Variants in JAM3 observed in about 807,000 individuals in gnomAD.
The protein encoded by JAM3 is junctional adhesion molecule 3.
In JAM3, 31 loss-of-function variants were observed where a neutral mutation model predicts 39.4. The observed-to-expected ratio is 0.79, with a 90% confidence interval of 0.59 to 1.06. The LOEUF (loss-of-function observed/expected upper bound fraction) is 1.06, where lower values mean the gene tolerates loss of function less well. JAM3 is among the 50% of genes least tolerant of loss of function. The probability of loss-of-function intolerance (pLI) is 0.00; values close to 1 mark genes in which losing one functional copy is unlikely to be tolerated. For missense variants in JAM3, 455 were observed against 391.4 expected (o/e 1.16, Z -1.37); for synonymous variants, 182 against 148.7 (o/e 1.22, Z -1.63).
intron 1 of JAM3, among the ~76,000 whole-genome samples, chr11:134,077,533 T>C (rs913838948): frequency 6.6e-6 from 1 of 151,794 alleles, no homozygotes; most frequent in Non-Finnish European, 1.5e-5. Flanking sequence ...CTAGCTAATT[T>C]TTGTATTTTT....
At chr11:134,134,180 C>CTG (rs1942818596) in intron 1 of JAM3, among the ~76,000 whole-genome samples, 1 of 151,882 alleles carries the variant, frequency 6.6e-6, no homozygotes, top group Admixed American at 6.6e-5. Context: ...ACATCCAAAA[C>CTG]TGAAGGCACA....
intron 1 of JAM3, among the ~76,000 whole-genome samples, chr11:134,131,490 G>A (rs1339704393): frequency 2.0e-5 from 3 of 151,970 alleles, no homozygotes; most frequent in Non-Finnish European, 2.9e-5. Flanking sequence ...ATAATCAAAT[G>A]CCAGATTTTC....
Position 134,111,133 on chromosome 11 carries a change from C to CTTTTTTTTTTTTTTT in JAM3, c.77-28704_77-28690dup, listed in dbSNP as rs71038561. Reference sequence around the variant, plus strand: ...TGTACCATACCCAACACACATCCATCTTTTTTTTTTTTTTTTTTTTTTTTT... The same window carrying CTTTTTTTTTTTTTTT: ...TGTACCATACCCAACACACATCCATCTTTTTTTTTTTTTTTTTTTTTTTTTTTTTTTTTTTTTTTT... On this transcript the variant is annotated intron_variant, in intron 1 of 8. Transcript: ENST00000299106. Among the ~76,000 whole-genome samples the CTTTTTTTTTTTTTTT allele has an allele frequency of 1.0e-4, 9 of 86,772 alleles. 2 individuals carry two copies. Among genetic ancestry groups the CTTTTTTTTTTTTTTT allele is most frequent in the African/African-American group, 5.0e-4 (9 of 18,140 alleles). The allele number at this position is 86,772 out of a possible 152,430, so 56.9% of individuals were successfully genotyped here.
At chr11:134,096,927 A>G (rs1941994998) in intron 1 of JAM3, among the ~76,000 whole-genome samples, 1 of 151,966 alleles carries the variant, frequency 6.6e-6, no homozygotes, top group Non-Finnish European at 1.5e-5. Context: ...ATTACCATTA[A>G]ATATTAGCTG....
At chr11:134,092,985 C>T (rs1471692672) in intron 1 of JAM3, among the ~76,000 whole-genome samples, 1 of 149,024 alleles carries the variant, frequency 6.7e-6, no homozygotes, top group Non-Finnish European at 1.5e-5. Flanking sequence ...CTCAGCCCTC[C>T]TTATTCATCA....
At chr11:134,090,207 C>T (rs1346166337) in intron 1 of JAM3, among the ~76,000 whole-genome samples, 1 of 152,044 alleles carries the variant, frequency 6.6e-6, no homozygotes, top group African/African-American at 2.4e-5. Flanking sequence ...GGATATTAGC[C>T]CTTTGTCAGA....
At chr11:134,102,530 T>G (rs547450422) in intron 1 of JAM3, among the ~76,000 whole-genome samples, 1 of 152,020 alleles carries the variant, frequency 6.6e-6, no homozygotes, top group Non-Finnish European at 1.5e-5. Flanking sequence ...CTTTGATGAG[T>G]TGAGAGAAGA....
intron 1 of JAM3, among the ~76,000 whole-genome samples, chr11:134,109,319 T>C (rs938718001): frequency 2.0e-5 from 3 of 152,038 alleles, no homozygotes; most frequent in African/African-American, 7.2e-5. Flanking sequence ...CAACCAGGGA[T>C]GAAAAAAAGA....
intron 1 of JAM3, among the ~76,000 whole-genome samples, chr11:134,099,615 T>C (rs968916107): frequency 2.6e-5 from 4 of 152,308 alleles, no homozygotes; most frequent in African/African-American, 9.6e-5. Flanking sequence ...TTTGTTTATT[T>C]ATTTAGGGAC....
intron 1 of JAM3, among the ~76,000 whole-genome samples, chr11:134,089,511 C>A (rs544021409): frequency 6.6e-6 from 1 of 152,120 alleles, no homozygotes; most frequent in South Asian, 2.1e-4. Context: ...TCCTGTGTCC[C>A]TGTGTTCTCA....
intron 1 of JAM3, among the ~76,000 whole-genome samples, chr11:134,107,150 C>G (rs867231891): frequency 5.9e-5 from 9 of 152,138 alleles, no homozygotes; most frequent in African/African-American, 2.2e-4. Flanking sequence ...TACTATGCAG[C>G]CATAAAAAAT....
At chr11:134,136,394 G>A (rs1000633296) in intron 1 of JAM3, among the ~76,000 whole-genome samples, 3 of 152,156 alleles carry the variant, frequency 2.0e-5, no homozygotes, top group East Asian at 1.9e-4. Flanking sequence ...AGTTACTTAC[G>A]ATGTCTTCAC....
intron 1 of JAM3, among the ~76,000 whole-genome samples, chr11:134,107,592 C>T (rs1393731024): frequency 1.1e-4 from 17 of 152,218 alleles, no homozygotes; most frequent in African/African-American, 3.4e-4. Context: ...AAATCTACAG[C>T]ATGAAAGACC....
At chr11:134,096,306 G>A (rs555370130) in intron 1 of JAM3, among the ~76,000 whole-genome samples, 2 of 152,248 alleles carry the variant, frequency 1.3e-5, no homozygotes, top group East Asian at 3.9e-4. Flanking sequence ...GACATCCTTG[G>A]AGTGAGCTTT....
intron 1 of JAM3, among the ~76,000 whole-genome samples, chr11:134,120,289 C>T (rs185906439): frequency 3.8e-4 from 58 of 152,330 alleles, no homozygotes; most frequent in East Asian, 1.7e-3. Context: ...TGCATGCTGA[C>T]GTGAGTCCTG....
intron 1 of JAM3, among the ~76,000 whole-genome samples, chr11:134,092,893 A>G (rs1294958078): frequency 2.3e-5 from 3 of 131,384 alleles, no homozygotes; most frequent in Non-Finnish European, 4.9e-5. Flanking sequence ...CTTCTCCTGA[A>G]CCCTCCTTAT....
chr11:134,095,569 T>G (rs1333680007), intron 1 of JAM3, among the ~76,000 whole-genome samples: 2 of 151,700 alleles, frequency 1.3e-5, no homozygotes, highest in African/African-American at 4.8e-5. Flanking sequence ...AGTCGGAGGT[T>G]GTAGTGAGCC....
intron 1 of JAM3, among the ~76,000 whole-genome samples, chr11:134,107,508 G>T (rs936665858): frequency 6.6e-6 from 1 of 151,902 alleles, no homozygotes; most frequent in Non-Finnish European, 1.5e-5. Flanking sequence ...TCAAAAAAAA[G>T]TGTTTTGAAG....
intron 3 of JAM3, among the ~76,000 whole-genome samples, chr11:134,143,861 G>A (rs1295086288): frequency 6.6e-6 from 1 of 152,212 alleles, no homozygotes; most frequent in East Asian, 1.9e-4. Context: ...AACTTCATGT[G>A]TTTGCAAGTG....
Sources: allele counts gnomAD v4.1 joint callset (sites outside exome capture counted in the v4.1 genomes callset), GRCh38; gene constraint gnomAD v4.1.1; transcripts MANE v1.5; gene names NCBI Gene and HGNC (gene_info 2026-07-23, HGNC 2026-07-21).